The following CRTC2 variants were observed in gnomAD, a reference collection of about 807,000 sequenced individuals.
CRTC2 encodes CREB-regulated transcription coactivator 2.
Under a neutral mutation model 70.9 loss-of-function variants are expected in CRTC2, and 25 were observed. The ratio of observed to expected loss-of-function variants is 0.35; its 90% confidence interval spans 0.26 to 0.49. The LOEUF (loss-of-function observed/expected upper bound fraction) is 0.49, where lower values mean the gene tolerates loss of function less well. CRTC2 is among the 20% of genes least tolerant of loss of function. The probability of loss-of-function intolerance (pLI) is 0.98; values close to 1 mark genes in which losing one functional copy is unlikely to be tolerated. For missense variants in CRTC2, 737 were observed against 882.6 expected, an observed-to-expected ratio of 0.83 and a Z score of 2.09; for synonymous variants, 330 against 364.1, an observed-to-expected ratio of 0.91 and a Z score of 1.07.
At position 153,958,560 on chromosome 1, in the gene CRTC2, G is replaced by C; in HGVS notation, c.-63C>G. ...CAGCCGCGGCCTCCGCCGCGGCCTC[G>C]GCCCGGCTCCTCCAGCCGTAGCCAC... On this transcript the variant is annotated 5_prime_UTR_variant, in exon 1 of 14. Transcript: ENST00000368633. The C allele has an allele frequency of 4.1e-6, 6 of 1,471,130 alleles. No individual in the cohort carries two copies. Among genetic ancestry groups the C allele is most frequent in the South Asian group, 2.6e-5 (2 of 77,828 alleles). 91.1% of individuals were successfully genotyped at this position (1,471,130 alleles called of 1,614,324 possible).
chr1:153,957,879 G>C (rs940234523), intron 1 of CRTC2, among the ~76,000 whole-genome samples: 1 of 152,110 alleles, frequency 6.6e-6, no homozygotes, highest in African/African-American at 2.4e-5. Context: ...AACCACTCAA[G>C]GGGCCCTTTC....
intron 2 of CRTC2, 33 bp from the exon 3 acceptor site, chr1:153,955,022 C>G (rs779552744): frequency 6.2e-7 from 1 of 1,612,510 alleles, no homozygotes; most frequent in Non-Finnish European, 8.5e-7. Flanking sequence ...GCAGAGGAAG[C>G]AGCCTAAGAA....
At position 153,948,030 on chromosome 1, in the gene CRTC2, C is replaced by A. The variant is rs561719140; in HGVS notation, c.*79G>T. On this transcript the variant is annotated 3_prime_UTR_variant, in exon 14 of 14. Transcript: ENST00000368633. ...AGGATCTGGGGACAGAGAGTAGAGT[C>A]TCTACCTGCCAGGGGGAAGGGAGGA... 30 of 1,344,616 alleles carry A rather than the reference C, an allele frequency of 2.2e-5. No homozygotes were observed. Among genetic ancestry groups the A allele is most frequent in the African/African-American group, 2.9e-5 (2 of 69,550 alleles). The allele number at this position is 1,344,616 out of a possible 1,614,324, so 83.3% of individuals were successfully genotyped here. A position where few individuals can be genotyped will look rare whatever the true frequency, so the allele number is the denominator to read the frequency against.
intron 1 of CRTC2, among the ~76,000 whole-genome samples, chr1:153,956,717 G>A (rs780643489): frequency 2.0e-5 from 3 of 152,136 alleles, no homozygotes; most frequent in African/African-American, 7.2e-5. Flanking sequence ...CAGATAACAG[G>A]CTGAGTCCCA....
In CRTC2 at chr1:153,952,227, G is replaced by A; in HGVS notation, c.788C>T (p.Pro263Leu). Reference sequence around the variant, plus strand: ...CGTGTTCATGGCAGGTGGGAGGACAGGCACATTGGCAGGCTGGTCAGGAGA... The same window carrying A: ...CGTGTTCATGGCAGGTGGGAGGACAAGCACATTGGCAGGCTGGTCAGGAGA... ...FPSPDQPANVPVLPPAMNTGG... is the reference protein window; with the variant it reads ...FPSPDQPANVLVLPPAMNTGG... The change falls in exon 10 of 14, where the codon CCT (proline) becomes CTT (leucine). Residue 263 changes from proline (P) to leucine (L), a missense_variant. Around this residue, in one of 3 missense-constraint regions of CRTC2, gnomAD observed 699 missense variants for 823.7 expected, o/e 0.85. Transcript: ENST00000368633. The A allele has an allele frequency of 6.2e-7, 1 of 1,611,360 alleles. No individual in the cohort carries two copies. The highest frequency in any genetic ancestry group is 8.5e-7 in the Non-Finnish European group (1 of 1,178,142).
rs1452304691 is a variant in CRTC2, at chr1:153,954,877, C to T, written c.368G>A (p.Arg123His). 2.5e-6 allele frequency: 4 copies of T among 1,612,402 alleles called. No homozygotes were observed. Among genetic ancestry groups the T allele is most frequent in the Non-Finnish European group, 2.5e-6 (3 of 1,179,560 alleles). ...CAAGTCCCCTGTGAAGGATATGTGG[C>T]GGGTGTATCGGCGAAGTGGGGACAC... ...RMVSPLRRYT[R>H]HIDSSPYSPA... is the part of the protein sequence containing the mutation. Residue 123 changes from arginine (R) to histidine (H), a missense_variant, in exon 3 of 14, where the codon CGC (arginine) becomes CAC (histidine). By Grantham distance (29) the Arg-to-His change is conservative. Transcript: ENST00000368633.
chr1:153,952,706 AG>A, intron 7 of CRTC2, 71 bp from the exon 8 acceptor site: 1 of 1,606,430 alleles, frequency 6.2e-7, no homozygotes, highest in Non-Finnish European at 8.5e-7. Flanking sequence ...AAGCAGAAGC[AG>A]GTGGGAAGGA....
chr1:153,952,483 G>C, intron 8 of CRTC2, 37 bp from the exon 9 acceptor site: 4 of 1,613,390 alleles, frequency 2.5e-6, no homozygotes, highest in Non-Finnish European at 3.4e-6. Flanking sequence ...AATGAGGACA[G>C]TGCTCAGCAG....
Position 153,948,084 on chromosome 1 carries a change from GAA to G in CRTC2, c.*23_*24del. On this transcript the variant is annotated 3_prime_UTR_variant, in exon 14 of 14. Coordinates refer to ENST00000368633, the MANE Select transcript of CRTC2 (RefSeq NM_181715.3). The stretch of plus-strand genomic sequence containing the variant: ...GAATGGTGGTGGGGGATGGGGCCAA[GAA>G]GAGGGATGGTGATGAGGTGCCCTCA... The G allele has an allele frequency of 1.2e-6, 2 of 1,609,880 alleles. No homozygotes were observed. Among genetic ancestry groups the G allele is most frequent in the South Asian group, 2.2e-5 (2 of 90,960 alleles).
At chr1:153,958,169 C>G in intron 1 of CRTC2, 176 bp downstream of exon 1, 1 of 1,421,786 alleles carries the variant, frequency 7.0e-7, no homozygotes. Context: ...CGGTCTCCCC[C>G]GGCAAAATCC....
chr1:153,954,360 G>C (rs371017196), intron 3 of CRTC2, 44 bp from the exon 4 acceptor site: 2 of 1,405,088 alleles, frequency 1.4e-6, no homozygotes, highest in African/African-American at 1.4e-5. Context: ...GGACAGATGA[G>C]AGAGGCCAAA....
At chr1:153,955,026 C>G in intron 2 of CRTC2, 37 bp from the exon 3 acceptor site, 1 of 1,613,286 alleles carries the variant, frequency 6.2e-7, no homozygotes, top group Admixed American at 1.7e-5. Context: ...AGGAAGCAGC[C>G]TAAGAAACTC....
At chr1:153,952,669 G>A (rs186634744) in intron 7 of CRTC2, 34 bp from the exon 8 acceptor site, 3 of 1,613,304 alleles carry the variant, frequency 1.9e-6, no homozygotes, top group African/African-American at 2.7e-5. Flanking sequence ...GGGAGAGTTG[G>A]AGAAAGAGCC....
chr1:153,955,174 A>AC lies in CRTC2; in HGVS notation c.154-9_154-8insG. 1.2e-6 allele frequency: 2 copies of AC among 1,605,658 alleles called. No individual in the cohort carries two copies. Among genetic ancestry groups the AC allele is most frequent in the Non-Finnish European group, 1.7e-6 (2 of 1,172,632 alleles). On this transcript the variant is annotated splice_polypyrimidine_tract_variant and intron_variant, in intron 1 of 13. Transcript: ENST00000368633. ...CAGTTTTTGGGCCTGTAACTGAGACATGGGGAACAAGTGGGAATGTCAGGA... is the reference window on the plus strand; with the variant it reads ...CAGTTTTTGGGCCTGTAACTGAGACACTGGGGAACAAGTGGGAATGTCAGGA...
chr1:153,956,987 TC>T (rs1183479796), intron 1 of CRTC2, among the ~76,000 whole-genome samples: 1 of 152,130 alleles, frequency 6.6e-6, no homozygotes, highest in East Asian at 1.9e-4. Context: ...AAGATCAGCC[TC>T]CCATCTTCCT....
intron 3 of CRTC2, 65 bp downstream of exon 3, chr1:153,954,808 A>C (rs1374592311): frequency 7.2e-7 from 1 of 1,385,794 alleles, no homozygotes; most frequent in African/African-American, 1.4e-5. Context: ...AGTGCTTCCT[A>C]TGAGTCCCTG....
At position 153,954,976 on chromosome 1, in the gene CRTC2, G is replaced by A. The variant is rs759321046; in HGVS notation, c.269C>T (p.Ser90Leu). 8 of 1,613,858 alleles carry A rather than the reference G, an allele frequency of 5.0e-6. No individual in the cohort carries two copies. Among genetic ancestry groups the A allele is most frequent in the East Asian group, 2.2e-5 (1 of 44,868 alleles). ...AGTGCTCCGAGATGAATCCAAAGGT[G>A]AGTGGAGGGGGCTCTGCCAAAAAGG... ...GLAEFQSPLH[S>L]PLDSSRSTRH... Residue 90 changes from serine (S) to leucine (L), a missense_variant, in exon 3 of 14, where the codon TCA becomes TTA. Transcript: ENST00000368633.
intron 1 of CRTC2, among the ~76,000 whole-genome samples, chr1:153,957,635 TC>T (rs1236058296): frequency 6.6e-6 from 1 of 151,916 alleles, no homozygotes; most frequent in African/African-American, 2.4e-5. Flanking sequence ...AGCAGCCAAC[TC>T]CCTAGAAAGC....
Position 153,954,243 on chromosome 1 carries a change from C to G in CRTC2, c.434+12G>C. On this transcript the variant is annotated intron_variant, in intron 4 of 13. Coordinates refer to ENST00000368633, the MANE Select transcript of CRTC2 (RefSeq NM_181715.3). Reference sequence around the variant, plus strand: ...GAGTAGGCAGGAGCTTCTGCCCGCCCTGGACACTTACCTTCGCCAGCTAGA... The same window carrying G: ...GAGTAGGCAGGAGCTTCTGCCCGCCGTGGACACTTACCTTCGCCAGCTAGA... The G allele has an allele frequency of 6.2e-7, 1 of 1,607,820 alleles. No individual in the cohort carries two copies. Among genetic ancestry groups the G allele is most frequent in the African/African-American group, 1.3e-5 (1 of 74,944 alleles).
Sources: allele counts gnomAD v4.1 joint callset (sites outside exome capture counted in the v4.1 genomes callset), GRCh38; gene constraint gnomAD v4.1.1; regional missense constraint gnomAD v4.1.1; transcripts MANE v1.5; gene names NCBI Gene and HGNC (gene_info 2026-07-23, HGNC 2026-07-21).